Variants in PDS5B observed in about 807,000 individuals in gnomAD.
The protein encoded by PDS5B is PDS5 cohesin associated factor B, also known as sister chromatid cohesion protein PDS5 homolog B.
In PDS5B, 51 loss-of-function variants were observed where a neutral mutation model predicts 184.1. The ratio of observed to expected loss-of-function variants is 0.28; its 90% CI spans 0.22 to 0.35. The LOEUF (loss-of-function observed/expected upper bound fraction) is 0.35. Among genes scored for constraint, PDS5B ranks in the 10% least tolerant of loss-of-function variants. The pLI, the probability that PDS5B is intolerant of heterozygous loss-of-function variation, is 1.00. For missense variants in PDS5B, 1,180 were observed against 1,723.3 expected, an observed-to-expected ratio of 0.68 and a Z score of 5.58; for synonymous variants, 566 against 569.2, an observed-to-expected ratio of 0.99 and a Z score of 0.08.
At chr13:32,764,888 T>TTTG (rs975412792) in intron 31 of PDS5B, among the ~76,000 whole-genome samples, 1 of 152,020 alleles carries the variant, frequency 6.6e-6, no homozygotes, top group African/African-American at 2.4e-5. Context: ...TGCTTGTGGT[T>TTTG]TTGTTGTTGT....
intron 3 of PDS5B, 127 bp from the exon 4 acceptor site, chr13:32,658,112 T>A (rs1950561915): frequency 2.1e-6 from 1 of 469,260 alleles, no homozygotes; most frequent in Non-Finnish European, 3.9e-6. Flanking sequence ...CAAATAAAAT[T>A]TTTTTCTGGT....
chr13:32,714,272 G>C (rs1025998578), intron 19 of PDS5B, among the ~76,000 whole-genome samples: 2 of 152,206 alleles, frequency 1.3e-5, no homozygotes, highest in Non-Finnish European at 2.9e-5. Context: ...AGGAGACAGC[G>C]TTTTGAGATC....
chr13:32,679,886 T>TGA lies in PDS5B; in HGVS notation c.1057+958_1057+959insAG, dbSNP rs1566318895. On this transcript the variant is annotated intron_variant, in intron 10 of 34. Transcript: ENST00000315596. Reference sequence around the variant, plus strand: ...CCCTCCTTTCCTCTTCGTCTGTGAGTGTGTGTGTGTGTGTGTGTGTGTGTG... The same window carrying TGA: ...CCCTCCTTTCCTCTTCGTCTGTGAGTGAGTGTGTGTGTGTGTGTGTGTGTGTG... Among the ~76,000 whole-genome samples the TGA allele has an allele frequency of 4.2e-3, 216 of 51,928 alleles. 2 individuals are homozygous for TGA. Among genetic ancestry groups the TGA allele is most frequent in the African/African-American group, 0.033 (209 of 6,268 alleles). 34.1% of individuals were successfully genotyped at this position (51,928 alleles called of 152,430 possible).
At chr13:32,689,524 T>C (rs1216839338) in intron 13 of PDS5B, 2 of 152,128 alleles carry the variant, frequency 1.3e-5, no homozygotes, top group Non-Finnish European at 2.9e-5. Context: ...AAGCTTAAAA[T>C]ATTTACTGTC....
intron 19 of PDS5B, among the ~76,000 whole-genome samples, chr13:32,725,345 G>A (rs769027170): frequency 1.3e-5 from 2 of 152,042 alleles, no homozygotes; most frequent in South Asian, 2.1e-4. Flanking sequence ...AGATTATCCC[G>A]TGTATAATCT....
At chr13:32,737,874 T>C (rs1421297530) in intron 21 of PDS5B, among the ~76,000 whole-genome samples, 1 of 152,208 alleles carries the variant, frequency 6.6e-6, no homozygotes, top group East Asian at 1.9e-4. Context: ...TTGTCCCTAA[T>C]ATCTACTCTC....
intron 10 of PDS5B, among the ~76,000 whole-genome samples, chr13:32,679,482 A>G (rs900960852): frequency 6.6e-6 from 1 of 152,062 alleles, no homozygotes; most frequent in Non-Finnish European, 1.5e-5. Flanking sequence ...CTAAAAATAC[A>G]AAAATTAGCT....
At chr13:32,626,509 TAGTC>T (rs2058373205) in intron 1 of PDS5B, among the ~76,000 whole-genome samples, 1 of 152,230 alleles carries the variant, frequency 6.6e-6, no homozygotes, top group Non-Finnish European at 1.5e-5. Context: ...TTAATTATTG[TAGTC>T]AGTCTTTAGT....
At chr13:32,668,594 G>A (rs1427697817) in intron 7 of PDS5B, among the ~76,000 whole-genome samples, 1 of 152,134 alleles carries the variant, frequency 6.6e-6, no homozygotes, top group Non-Finnish European at 1.5e-5. Context: ...TACAAATGTA[G>A]AGTACAGTGT....
intron 1 of PDS5B, among the ~76,000 whole-genome samples, chr13:32,643,269 T>C (rs887383221): frequency 6.6e-6 from 1 of 152,152 alleles, no homozygotes; most frequent in Non-Finnish European, 1.5e-5. Flanking sequence ...TGAAGGAATG[T>C]AACTATGAAC....
chr13:32,769,297 A>G (rs1954697500), intron 31 of PDS5B, among the ~76,000 whole-genome samples: 1 of 152,198 alleles, frequency 6.6e-6, no homozygotes, highest in Admixed American at 6.5e-5. Context: ...CAGGAAGCTC[A>G]ATTTAAAGTT....
intron 1 of PDS5B, among the ~76,000 whole-genome samples, chr13:32,594,213 C>T (rs1189996237): frequency 1.3e-5 from 2 of 152,136 alleles, no homozygotes; most frequent in Non-Finnish European, 2.9e-5. Context: ...AGGTCAAATG[C>T]TTAGGTTGGT....
chr13:32,678,999 G>GA (rs11355777), intron 10 of PDS5B, 70 bp downstream of exon 10: 25 of 710,990 alleles, frequency 3.5e-5, no homozygotes, highest in East Asian at 1.1e-4. Context: ...TTCATAGGGG[G>GA]AAAAAAAACC....
intron 17 of PDS5B, among the ~76,000 whole-genome samples, chr13:32,706,323 TA>T (rs1317679507): frequency 6.8e-6 from 1 of 147,488 alleles, no homozygotes; most frequent in East Asian, 2.0e-4. Flanking sequence ...AATAAATAAA[TA>T]AAATAACATA....
chr13:32,611,482 A>G (rs1312644752), intron 1 of PDS5B, among the ~76,000 whole-genome samples: 2 of 135,434 alleles, frequency 1.5e-5, no homozygotes, highest in South Asian at 4.9e-4. Flanking sequence ...ACATTTGATC[A>G]TTTTATTACT....
At chr13:32,690,278 A>G (rs528797394) in intron 13 of PDS5B, 3 of 152,224 alleles carry the variant, frequency 2.0e-5, no homozygotes, top group Non-Finnish European at 4.4e-5. Flanking sequence ...CTATGGTCCT[A>G]CCATGCCTGG....
At chr13:32,601,575 A>C (rs1008556500) in intron 1 of PDS5B, among the ~76,000 whole-genome samples, 2 of 152,196 alleles carry the variant, frequency 1.3e-5, no homozygotes, top group Non-Finnish European at 2.9e-5. Context: ...ACTGGAAGAA[A>C]ATATCATTTT....
At chr13:32,615,688 C>T (rs1184769140) in intron 1 of PDS5B, among the ~76,000 whole-genome samples, 1 of 152,096 alleles carries the variant, frequency 6.6e-6, no homozygotes, top group Admixed American at 6.5e-5. Context: ...TAAATTCCAG[C>T]TGTATCAAAT....
At chr13:32,663,318 A>C (rs1294385937) in intron 6 of PDS5B, among the ~76,000 whole-genome samples, 1 of 151,852 alleles carries the variant, frequency 6.6e-6, no homozygotes, top group Non-Finnish European at 1.5e-5. Flanking sequence ...AACCAGGTGC[A>C]AACCAAGCAA....
Sources: gnomAD v4.1 joint callset for allele counts (sites outside exome capture counted in the v4.1 genomes callset) on GRCh38, gnomAD v4.1.1 for gene constraint, MANE v1.5 for transcripts, NCBI Gene and HGNC (gene_info 2026-07-23, HGNC 2026-07-21) for gene names.